Variants in APH1B observed in about 807,000 individuals in gnomAD.
The protein encoded by APH1B is aph-1B gamma-secretase subunit.
Under a neutral mutation model 28.2 loss-of-function variants are expected in APH1B, and 27 were observed. The ratio of observed to expected loss-of-function variants is 0.96; its 90% confidence interval spans 0.70 to 1.32. The LOEUF (loss-of-function observed/expected upper bound fraction) is 1.32. APH1B is among the 40% of genes most tolerant of loss of function. The pLI, the probability that APH1B is intolerant of heterozygous loss-of-function variation, is 0.00. For missense variants in APH1B, 305 were observed against 313.6 expected, an observed-to-expected ratio of 0.97 and a Z score of 0.21; for synonymous variants, 141 against 124.6, an observed-to-expected ratio of 1.13 and a Z score of -0.88.
chr15:63,295,849 ATT>A (rs2038560046), intron 4 of APH1B, among the ~76,000 whole-genome samples: 1 of 152,228 alleles, frequency 6.6e-6, no homozygotes, highest in South Asian at 2.1e-4. Context: ...AATTGGAAGT[ATT>A]TTGGACCATG....
chr15:63,278,242 GA>G (rs11359006), intron 1 of APH1B: 104,848 of 414,890 alleles, frequency 0.25, 6,870 homozygotes, highest in African/African-American at 0.43. Flanking sequence ...TCGGGCTTCA[GA>G]AAAAAAAAAA....
chr15:63,301,701 C>T (rs953045947), intron 4 of APH1B, among the ~76,000 whole-genome samples: 9 of 151,408 alleles, frequency 5.9e-5, no homozygotes, highest in African/African-American at 2.2e-4. Flanking sequence ...CCTGCCTGAG[C>T]CTCCCGAATA....
intron 4 of APH1B, among the ~76,000 whole-genome samples, chr15:63,298,853 C>T (rs1014060701): frequency 1.1e-4 from 17 of 150,280 alleles, no homozygotes; most frequent in African/African-American, 3.2e-4. Flanking sequence ...TATATATAAT[C>T]TTCAGGCCAG....
At position 63,287,335 on chromosome 15, in the gene APH1B, T is replaced by C. The variant is rs2038457863; in HGVS notation, c.356-89T>C. On this transcript the variant is annotated intron_variant, in intron 3 of 5. Transcript: ENST00000261879. Reference sequence around the variant, plus strand: ...GGAAGAACATAAGCACCCTTTCCCCTCCAACACACTTTGTATTAACTAGTC... The same window carrying C: ...GGAAGAACATAAGCACCCTTTCCCCCCCAACACACTTTGTATTAACTAGTC... 4 of 1,541,972 alleles carry C rather than the reference T, an allele frequency of 2.6e-6. No individual in the cohort carries two copies. The Admixed American group carries it at 7.2e-5, about 28-fold the overall frequency.
Position 63,305,674 on chromosome 15 carries a change from A to G in APH1B, c.667A>G (p.Met223Val), listed in dbSNP as rs747647581. 14 of 1,614,122 alleles carry G rather than the reference A, an allele frequency of 8.7e-6. 1 individual carries two copies. The South Asian group carries it at 1.5e-4, about 18-fold the overall frequency. The change falls in exon 6 of 6, where the codon ATG becomes GTG. Residue 223 changes from methionine (M) to valine (V), a missense_variant. By Grantham distance (21) the Met-to-Val change is conservative (BLOSUM62 1). Coordinates refer to ENST00000261879, the MANE Select transcript of APH1B (RefSeq NM_031301.4). ...LASAFIILVL[M>V]GTWAFLAAGG... is the part of the protein sequence containing the mutation. ...GTCAGCATTTATAATCCTGGTGCTC[A>G]TGGGCACCTGGGCATTCTTAGCTGC...
intron 5 of APH1B, among the ~76,000 whole-genome samples, chr15:63,303,606 C>T (rs1434127686): frequency 6.6e-6 from 1 of 152,190 alleles, no homozygotes; most frequent in African/African-American, 2.4e-5. Flanking sequence ...AGTGATTCTC[C>T]CACCACACCC....
chr15:63,281,543 A>C (rs369161040), intron 2 of APH1B, among the ~76,000 whole-genome samples: 35,737 of 150,476 alleles, frequency 0.24, 4,670 homozygotes, highest in Admixed American at 0.31. Context: ...TGAAAAAAAA[A>C]AAAAAAAACA....
intron 5 of APH1B, 83 bp downstream of exon 5, chr15:63,302,555 TAC>T: frequency 1.3e-6 from 2 of 1,489,830 alleles, no homozygotes; most frequent in Non-Finnish European, 1.8e-6. Context: ...CTAGATGAAA[TAC>T]ACGCTCATGA....
At chr15:63,281,459 C>G (rs1282046116) in intron 2 of APH1B, among the ~76,000 whole-genome samples, 1 of 151,386 alleles carries the variant, frequency 6.6e-6, no homozygotes, top group African/African-American at 2.4e-5. Flanking sequence ...CACAGCTCAG[C>G]CTCACATTGC....
chr15:63,288,249 A>G (rs1167254357), intron 4 of APH1B, among the ~76,000 whole-genome samples: 1 of 152,234 alleles, frequency 6.6e-6, no homozygotes, highest in African/African-American at 2.4e-5. Flanking sequence ...ATCTATGCTA[A>G]AGCTCCTCAG....
chr15:63,305,921 T>G lies in APH1B; in HGVS notation c.*140T>G. ...CAGATATGCGTTCCATTCACTTGGCTTTCACACAACTGCTCTCCGAAAGGG... is the reference window on the plus strand; with the variant it reads ...CAGATATGCGTTCCATTCACTTGGCGTTCACACAACTGCTCTCCGAAAGGG... On this transcript the variant is annotated 3_prime_UTR_variant, in exon 6 of 6. Transcript: ENST00000261879. 2 of 1,156,612 alleles carry G rather than the reference T, an allele frequency of 1.7e-6. No homozygotes were observed. Among genetic ancestry groups the G allele is most frequent in the Admixed American group, 2.9e-5 (1 of 34,434 alleles). 71.6% of individuals were successfully genotyped at this position (1,156,612 alleles called of 1,614,324 possible).
rs532143356 is a variant in APH1B, at chr15:63,282,564, T to A, written c.284+3233T>A. ...AATCCAAGTTATGTTGCTTAAAATA[T>A]AATCATATTTTGCCAAAAACATACA... On this transcript the variant is annotated intron_variant, in intron 2 of 5. Coordinates refer to ENST00000261879, the MANE Select transcript of APH1B (RefSeq NM_031301.4). Among the ~76,000 whole-genome samples the A allele has an allele frequency of 2.0e-5, 3 of 152,310 alleles. No individual in the cohort carries two copies. The East Asian group carries it at 5.8e-4, about 29-fold the overall frequency.
At position 63,302,492 on chromosome 15, in the gene APH1B, TCA is replaced by T. The variant is rs775676224; in HGVS notation, c.606+21_606+22del. The T allele has an allele frequency of 1.9e-6, 3 of 1,609,830 alleles. No individual in the cohort carries two copies. In the East Asian group the frequency reaches 6.7e-5, roughly 36 times the overall value. On this transcript the variant is annotated intron_variant, in intron 5 of 5. Transcript: ENST00000261879. ...GCCCAGGTGAGTGTTGCCGCCATGC[TCA>T]GACTGTATTCTGGAACTCAAGTCTA...
intron 4 of APH1B, among the ~76,000 whole-genome samples, chr15:63,288,901 T>C (rs1408843637): frequency 6.6e-6 from 1 of 152,224 alleles, no homozygotes; most frequent in Non-Finnish European, 1.5e-5. Flanking sequence ...TCTGTTTTCA[T>C]ATACAGTTAA....
At chr15:63,278,311 A>G in intron 1 of APH1B, 1 of 456,654 alleles carries the variant, frequency 2.2e-6, no homozygotes, top group South Asian at 1.5e-5. Context: ...GAAACCTGTA[A>G]AAACACCGAA....
chr15:63,278,728 T>C (rs912569980), intron 1 of APH1B, among the ~76,000 whole-genome samples: 1 of 152,270 alleles, frequency 6.6e-6, no homozygotes, highest in Non-Finnish European at 1.5e-5. Flanking sequence ...TTTGCAGATA[T>C]CTGATCAGTA....
At chr15:63,300,237 A>C (rs1167093019) in intron 4 of APH1B, among the ~76,000 whole-genome samples, 1 of 152,100 alleles carries the variant, frequency 6.6e-6, no homozygotes, top group Non-Finnish European at 1.5e-5. Flanking sequence ...GGAACTAAAG[A>C]AAAACAGTTA....
intron 4 of APH1B, among the ~76,000 whole-genome samples, chr15:63,290,344 G>T (rs2038492475): frequency 6.6e-6 from 1 of 152,116 alleles, no homozygotes; most frequent in Non-Finnish European, 1.5e-5. Flanking sequence ...TGGTAATTTT[G>T]TATAGAGACA....
intron 5 of APH1B, 34 bp downstream of exon 5, chr15:63,302,506 G>C (rs929516967): frequency 1.9e-6 from 3 of 1,599,936 alleles, no homozygotes; most frequent in Non-Finnish European, 2.6e-6. Context: ...ACTGTATTCT[G>C]GAACTCAAGT....
Sources: allele counts gnomAD v4.1 joint callset (sites outside exome capture counted in the v4.1 genomes callset), GRCh38; gene constraint gnomAD v4.1.1; transcripts MANE v1.5; gene names NCBI Gene and HGNC (gene_info 2026-07-23, HGNC 2026-07-21).